LPAR1: variants seen among roughly 807,000 people sequenced by gnomAD.
LPAR1 encodes the protein LPA receptor 1.
In LPAR1, 5 loss-of-function variants were observed where a neutral mutation model predicts 23.8. The ratio of observed to expected loss-of-function variants is 0.21; its 90% CI spans 0.11 to 0.44. The LOEUF (loss-of-function observed/expected upper bound fraction) is 0.44, where lower values mean the gene tolerates loss of function less well. Ranked by LOEUF, LPAR1 falls within the 20% of genes least tolerant of loss-of-function variation. The pLI is 0.99. For missense variants in LPAR1, 311 were observed against 482.8 expected, an observed-to-expected ratio of 0.64 and a Z score of 3.33; for synonymous variants, 160 against 164.7, an observed-to-expected ratio of 0.97 and a Z score of 0.22.
At chr9:110,954,397 C>T (rs1292880223) in intron 4 of LPAR1, among the ~76,000 whole-genome samples, 2 of 152,094 alleles carry the variant, frequency 1.3e-5, no homozygotes, top group Non-Finnish European at 2.9e-5. Context: ...GAAAGAAGAC[C>T]TATTTAACAA....
intron 5 of LPAR1, among the ~76,000 whole-genome samples, chr9:110,929,373 AAAAC>A (rs1366825714): frequency 1.3e-5 from 2 of 152,240 alleles, no homozygotes; most frequent in Non-Finnish European, 2.9e-5. Flanking sequence ...TTATATGAAA[AAAAC>A]AAATTTCATT....
At chr9:110,995,019 T>C (rs538397062) in intron 2 of LPAR1, among the ~76,000 whole-genome samples, 1 of 152,312 alleles carries the variant, frequency 6.6e-6, no homozygotes, top group Admixed American at 6.5e-5. Context: ...AAAGACACAT[T>C]TATGTTAAAC....
intron 2 of LPAR1, among the ~76,000 whole-genome samples, chr9:111,027,885 CAAAAAAAAAAAAAA>C (rs10594862): frequency 1.2e-4 from 7 of 56,666 alleles, no homozygotes; most frequent in African/African-American, 2.8e-4. Context: ...CACAAGTCCT[CAAAAAAAAAAAAAA>C]AAAAAAAAAA....
chr9:110,954,555 T>C (rs1330861444), intron 4 of LPAR1, among the ~76,000 whole-genome samples: 1 of 151,890 alleles, frequency 6.6e-6, no homozygotes, highest in Non-Finnish European at 1.5e-5. Flanking sequence ...AAACAGAGAA[T>C]TATAAAAACC....
chr9:110,998,527 TA>T (rs999414069), intron 2 of LPAR1, among the ~76,000 whole-genome samples: 40 of 152,226 alleles, frequency 2.6e-4, no homozygotes, highest in African/African-American at 8.9e-4. Context: ...TCCTGGACAT[TA>T]AAAATACACA....
chr9:110,900,953 T>C (rs2088670446), intron 5 of LPAR1, among the ~76,000 whole-genome samples: 1 of 152,208 alleles, frequency 6.6e-6, no homozygotes, highest in Non-Finnish European at 1.5e-5. Context: ...ACAAATTTAA[T>C]TGAATCTAAT....
chr9:110,912,243 C>T (rs1258691450), intron 5 of LPAR1, among the ~76,000 whole-genome samples: 1 of 152,158 alleles, frequency 6.6e-6, no homozygotes, highest in Non-Finnish European at 1.5e-5. Context: ...TGCTGTGACC[C>T]TCTCCATCAT....
intron 4 of LPAR1, among the ~76,000 whole-genome samples, chr9:110,964,744 T>A (rs1347013690): frequency 6.8e-6 from 1 of 146,802 alleles, no homozygotes; most frequent in Non-Finnish European, 1.5e-5. Context: ...ATAACAGAAA[T>A]AAAACCTAAA....
intron 5 of LPAR1, among the ~76,000 whole-genome samples, chr9:110,921,315 A>T (rs1330472885): frequency 6.6e-6 from 1 of 152,190 alleles, no homozygotes; most frequent in Non-Finnish European, 1.5e-5. Context: ...TTTTCCTTTC[A>T]ATATTTATGT....
chr9:110,970,709 C>A (rs899392443), intron 4 of LPAR1, among the ~76,000 whole-genome samples: 3 of 152,124 alleles, frequency 2.0e-5, no homozygotes, highest in Non-Finnish European at 4.4e-5. Flanking sequence ...AACACACAAA[C>A]CCCTACTTAA....
intron 2 of LPAR1, among the ~76,000 whole-genome samples, chr9:110,997,376 T>C (rs766264309): frequency 4.1e-4 from 62 of 152,188 alleles, no homozygotes; most frequent in Non-Finnish European, 6.6e-4. Context: ...AGCTCTCTGG[T>C]AACCAAAGCA....
intron 5 of LPAR1, among the ~76,000 whole-genome samples, chr9:110,919,865 T>C (rs1268170187): frequency 6.6e-6 from 1 of 151,764 alleles, no homozygotes. Flanking sequence ...CACCAGAGAG[T>C]CCTCTTTAGA....
intron 4 of LPAR1, among the ~76,000 whole-genome samples, chr9:110,960,622 T>C (rs1288853893): frequency 6.6e-6 from 1 of 152,220 alleles, no homozygotes; most frequent in Non-Finnish European, 1.5e-5. Flanking sequence ...CCTGTAAGCA[T>C]TTCATTTTGC....
At chr9:110,977,809 AGGGAGGGAGGGC>A (rs796741903) in intron 2 of LPAR1, among the ~76,000 whole-genome samples, 2 of 111,210 alleles carry the variant, frequency 1.8e-5, no homozygotes, top group South Asian at 3.3e-4. Flanking sequence ...GGAAGGAAGG[AGGGAGGGAGGGC>A]GGGAGGGAGG....
chr9:110,999,631 G>A (rs757489376), intron 2 of LPAR1, among the ~76,000 whole-genome samples: 15 of 152,112 alleles, frequency 9.9e-5, no homozygotes, highest in Non-Finnish European at 1.6e-4. Context: ...AGGCCTCTTC[G>A]GGGTTGTGGT....
chr9:110,993,663 G>A (rs1198570056), intron 2 of LPAR1, among the ~76,000 whole-genome samples: 1 of 152,178 alleles, frequency 6.6e-6, no homozygotes, highest in Non-Finnish European at 1.5e-5. Context: ...TGCACAGTGA[G>A]AAGCCTGGGA....
intron 4 of LPAR1, among the ~76,000 whole-genome samples, chr9:110,944,759 T>C (rs939850367): frequency 5.3e-5 from 8 of 152,354 alleles, no homozygotes; most frequent in Admixed American, 1.3e-4. Context: ...TGCCCTGTCC[T>C]ATGCCATTTC....
At chr9:110,935,861 A>T (rs1293288455) in intron 5 of LPAR1, among the ~76,000 whole-genome samples, 3 of 152,196 alleles carry the variant, frequency 2.0e-5, no homozygotes, top group Non-Finnish European at 4.4e-5. Flanking sequence ...ACTCCCACAG[A>T]CAGAAGCTCA....
At chr9:111,028,153 C>G (rs1332149631) in intron 2 of LPAR1, among the ~76,000 whole-genome samples, 1 of 147,728 alleles carries the variant, frequency 6.8e-6, no homozygotes, top group East Asian at 2.0e-4. Flanking sequence ...TTTTTTGAGG[C>G]AGAATCTCAC....
Sources: gnomAD v4.1 joint callset for allele counts (sites outside exome capture counted in the v4.1 genomes callset) on GRCh38, gnomAD v4.1.1 for gene constraint, MANE v1.5 for transcripts, NCBI Gene and HGNC (gene_info 2026-07-23, HGNC 2026-07-21) for gene names.